CACNA1E: variants seen among roughly 807,000 people sequenced by gnomAD.
The protein encoded by CACNA1E is voltage-dependent R-type calcium channel subunit alpha-1E.
Under a neutral mutation model 259.2 loss-of-function variants are expected in CACNA1E, and 40 were observed. The ratio of observed to expected loss-of-function variants is 0.15; its 90% CI spans 0.12 to 0.20. CACNA1E has a LOEUF of 0.20. Ranked by LOEUF, CACNA1E falls within the 10% of genes least tolerant of loss-of-function variation. The pLI is 1.00. For synonymous variants in CACNA1E, 1,104 were observed against 1,138.5 expected, an observed-to-expected ratio of 0.97 and a Z score of 0.61; for missense variants, 1,874 against 3,040.1, an observed-to-expected ratio of 0.62 and a Z score of 9.02.
intron 3 of CACNA1E, among the ~76,000 whole-genome samples, chr1:181,524,533 C>A (rs570336564): frequency 6.6e-6 from 1 of 152,342 alleles, no homozygotes; most frequent in African/African-American, 2.4e-5. Context: ...ATAGTAGGTT[C>A]TCTCTTGCTC....
chr1:181,331,957 A>G (rs1228417469), intron 1 of CACNA1E, among the ~76,000 whole-genome samples: 3 of 152,140 alleles, frequency 2.0e-5, no homozygotes, highest in African/African-American at 7.2e-5. Flanking sequence ...TTCTTATATC[A>G]ATACCATAAA....
At chr1:181,402,006 G>A (rs1657136822) in intron 1 of CACNA1E, among the ~76,000 whole-genome samples, 2 of 152,152 alleles carry the variant, frequency 1.3e-5, no homozygotes, top group African/African-American at 2.4e-5. Flanking sequence ...AATGTAGGAT[G>A]GCCACTTTGG....
intron 18 of CACNA1E, among the ~76,000 whole-genome samples, chr1:181,726,846 A>G (rs1050411965): frequency 1.3e-5 from 2 of 152,010 alleles, no homozygotes; most frequent in African/African-American, 4.8e-5. Flanking sequence ...AGGGTGGGGG[A>G]AGTCAAGGAG....
At chr1:181,475,855 G>T (rs1662811594) in intron 2 of CACNA1E, among the ~76,000 whole-genome samples, 1 of 152,142 alleles carries the variant, frequency 6.6e-6, no homozygotes, top group South Asian at 2.1e-4. Context: ...TGGACACCTG[G>T]GTCTGGAAAT....
Position 181,663,655 on chromosome 1 carries a change from G to T in CACNA1E, c.1055+12214G>T, listed in dbSNP as rs3905013. Among the ~76,000 whole-genome samples the T allele has an allele frequency of 2.5e-3, 388 of 152,304 alleles. 1 individual carries two copies. Among genetic ancestry groups the T allele is most frequent in the African/African-American group, 8.9e-3 (368 of 41,558 alleles). On this transcript the variant is annotated intron_variant, in intron 7 of 47. Transcript: ENST00000367573. ...GAGGCTGGCATCTTAAAAGTCAGGA[G>T]CATAATCACTGGTACTGGAGATCCT...
chr1:181,674,137 T>G (rs1455551519), intron 7 of CACNA1E, among the ~76,000 whole-genome samples: 1 of 149,190 alleles, frequency 6.7e-6, no homozygotes, highest in Non-Finnish European at 1.5e-5. Flanking sequence ...CCTAGCACCT[T>G]GAGAGGCCAA....
intron 45 of CACNA1E, among the ~76,000 whole-genome samples, chr1:181,794,593 C>T (rs1034298962): frequency 9.2e-5 from 14 of 152,354 alleles, no homozygotes; most frequent in Admixed American, 7.2e-4. Flanking sequence ...CAGTTCCTGC[C>T]TGCATTCCGC....
At chr1:181,508,153 G>GTGTGTA (rs751466537) in intron 1 of CACNA1E, among the ~76,000 whole-genome samples, 58 of 151,912 alleles carry the variant, frequency 3.8e-4, no homozygotes, top group Middle Eastern at 3.4e-3. Context: ...CGCCTTGTGT[G>GTGTGTA]TGTGTGTGTG....
intron 1 of CACNA1E, among the ~76,000 whole-genome samples, chr1:181,393,488 C>T (rs946429248): frequency 6.6e-6 from 1 of 152,080 alleles, no homozygotes; most frequent in Admixed American, 6.5e-5. Flanking sequence ...AACAGGGTCT[C>T]CCTCTGTCAC....
At chr1:181,540,080 G>T (rs186466471) in intron 3 of CACNA1E, among the ~76,000 whole-genome samples, 1 of 152,278 alleles carries the variant, frequency 6.6e-6, no homozygotes, top group East Asian at 1.9e-4. Flanking sequence ...TTGTGTGCTT[G>T]TGATGCACAG....
At chr1:181,595,361 G>A (rs1367640079) in intron 6 of CACNA1E, among the ~76,000 whole-genome samples, 1 of 152,184 alleles carries the variant, frequency 6.6e-6, no homozygotes, top group African/African-American at 2.4e-5. Flanking sequence ...AGGGCAGCAG[G>A]CACATGCACA....
chr1:181,800,963 CAT>C lies in CACNA1E; in HGVS notation c.*2130_*2131del, dbSNP rs1220462986. ...CTTCATTTTCCTCTCCCACTTAGCA[CAT>C]GTGTGCTTGAGGGTGGCTGGGAATG... On this transcript the variant is annotated 3_prime_UTR_variant, in exon 48 of 48. Transcript: ENST00000367573. 6.5e-6 allele frequency: 1 copy of C among 152,702 alleles called. No individual in the cohort carries two copies. Among genetic ancestry groups the C allele is most frequent in the Non-Finnish European group, 1.5e-5 (1 of 68,068 alleles). 9.5% of individuals were successfully genotyped at this position (152,702 alleles called of 1,614,324 possible). A position where few individuals can be genotyped will look rare whatever the true frequency, so the allele number is the denominator to read the frequency against.
chr1:181,320,744 G>T (rs1557907899), intron 1 of CACNA1E, among the ~76,000 whole-genome samples: 1 of 152,142 alleles, frequency 6.6e-6, no homozygotes, highest in South Asian at 2.1e-4. Flanking sequence ...GTGATGGCTG[G>T]TTCCAGAGTG....
At position 181,508,147 on chromosome 1, in the gene CACNA1E, T is replaced by TTGTGTGTGTGTGTG. The variant is rs55742094; in HGVS notation, c.267-2315_267-2302dup. On this transcript the variant is annotated intron_variant, in intron 1 of 47. Coordinates refer to ENST00000367573, the MANE Select transcript of CACNA1E (RefSeq NM_001205293.3). Reference sequence around the variant, plus strand: ...AATGTTGTGTGCTGTCCCAAACGCCTTGTGTGTGTGTGTGTGTGTGTGTGT... The same window carrying TTGTGTGTGTGTGTG: ...AATGTTGTGTGCTGTCCCAAACGCCTTGTGTGTGTGTGTGTGTGTGTGTGTGTGTGTGTGTGTGT... Among the ~76,000 whole-genome samples, 935 of 148,936 alleles carry TTGTGTGTGTGTGTG rather than the reference T, an allele frequency of 6.3e-3. 4 individuals are homozygous for TTGTGTGTGTGTGTG. Among genetic ancestry groups the TTGTGTGTGTGTGTG allele is most frequent in the Admixed American group, 7.9e-3 (118 of 15,016 alleles).
intron 3 of CACNA1E, among the ~76,000 whole-genome samples, chr1:181,536,070 A>C (rs751727006): frequency 1.4e-4 from 22 of 152,262 alleles, no homozygotes; most frequent in Middle Eastern, 3.4e-3. Context: ...TGGTGCTGTA[A>C]AATTTCACTA....
intron 7 of CACNA1E, among the ~76,000 whole-genome samples, chr1:181,700,214 A>G (rs1282965186): frequency 6.6e-6 from 1 of 152,186 alleles, no homozygotes; most frequent in Non-Finnish European, 1.5e-5. Flanking sequence ...TCCTGGAAGG[A>G]TAAGCTGAAG....
At chr1:181,675,105 G>A (rs1332909632) in intron 7 of CACNA1E, among the ~76,000 whole-genome samples, 2 of 152,218 alleles carry the variant, frequency 1.3e-5, no homozygotes, top group Non-Finnish European at 2.9e-5. Context: ...AAGTGCATCT[G>A]AGGTGTTTTC....
intron 6 of CACNA1E, among the ~76,000 whole-genome samples, chr1:181,589,057 C>T (rs1652373556): frequency 6.6e-6 from 1 of 152,182 alleles, no homozygotes; most frequent in African/African-American, 2.4e-5. Flanking sequence ...AGAGTGTGGT[C>T]CATCTTGGAA....
At chr1:181,517,268 G>A (rs1200195810) in intron 3 of CACNA1E, among the ~76,000 whole-genome samples, 1 of 152,130 alleles carries the variant, frequency 6.6e-6, no homozygotes, top group African/African-American at 2.4e-5. Context: ...CAAATGCCCT[G>A]TGGGGGTGGC....
Sources: allele counts gnomAD v4.1 joint callset (sites outside exome capture counted in the v4.1 genomes callset), GRCh38; gene constraint gnomAD v4.1.1; transcripts MANE v1.5; gene names NCBI Gene and HGNC (gene_info 2026-07-23, HGNC 2026-07-21).